PPP4C: variants seen among roughly 807,000 people sequenced by gnomAD.
The protein encoded by PPP4C is serine/threonine-protein phosphatase 4 catalytic subunit.
PPP4C carries 10 observed loss-of-function variants against 40.5 expected under a neutral mutation model. That is an observed-to-expected ratio of 0.25 (90% confidence interval 0.15 to 0.42). PPP4C has a LOEUF of 0.42. Ranked by LOEUF, PPP4C falls within the 10% of genes least tolerant of loss-of-function variation. PPP4C has a pLI of 1.00. For missense variants in PPP4C, 191 were observed against 416.4 expected (o/e 0.46, Z 4.71); for synonymous variants, 187 against 163.6 (o/e 1.14, Z -1.09).
intron 5 of PPP4C, 95 bp downstream of exon 5, chr16:30,082,942 C>A: frequency 9.1e-7 from 1 of 1,093,022 alleles, no homozygotes; most frequent in East Asian, 2.4e-5. Flanking sequence ...GTGACCAGCC[C>A]CACCTTGGAG....
chr16:30,076,503 G>A (rs1160859090), intron 2 of PPP4C, 28 bp downstream of exon 2: 6 of 1,584,746 alleles, frequency 3.8e-6, no homozygotes, highest in Non-Finnish European at 5.2e-6. Context: ...GGGGAAGGGA[G>A]GCCAAGCCGC....
intron 3 of PPP4C, 192 bp downstream of exon 3, chr16:30,081,502 T>G: frequency 2.0e-6 from 1 of 499,614 alleles, no homozygotes; most frequent in Non-Finnish European, 3.6e-6. Context: ...CCCAGCATTT[T>G]GGGAGGGCAA....
rs1170003711 is a variant in PPP4C at position 30,082,067 on chromosome 16, AGAAAG to A, written c.151-411_151-407del. Among the ~76,000 whole-genome samples the A allele has an allele frequency of 8.5e-4, 61 of 71,378 alleles. 2 individuals carry two copies. In the South Asian group the frequency reaches 0.029, roughly 34 times the overall value. The allele number at this position is 71,378 out of a possible 152,430, so 46.8% of individuals were successfully genotyped here. On this transcript the variant is annotated intron_variant, in intron 3 of 8. Transcript: ENST00000279387. ...GAGACTCCGTCTAAAAAAAAAAAAAAGAAAGGAAAGAAAAGAAAGGGGTTATGGGA... is the reference window on the plus strand; with the variant it reads ...GAGACTCCGTCTAAAAAAAAAAAAAAGAAAGAAAAGAAAGGGGTTATGGGA...
At position 30,083,141 on chromosome 16, in the gene PPP4C, G is replaced by A. The variant is rs1256211887; in HGVS notation, c.304-253G>A. ...CAAAGGGCCTGGGTGCCTTGCTAGG[G>A]ACCCGGTCTGTGTCTGGTAGGTGAA... On this transcript the variant is annotated intron_variant, in intron 5 of 8. Coordinates refer to ENST00000279387, the MANE Select transcript of PPP4C (RefSeq NM_002720.3). The surrounding 1 kb of genome is among the most constrained non-coding windows in gnomAD (Gnocchi z 6.3). 5.0e-6 allele frequency: 3 copies of A among 596,364 alleles called. No individual in the cohort carries two copies. Among genetic ancestry groups the A allele is most frequent in the Non-Finnish European group, 8.9e-6 (3 of 337,982 alleles). 36.9% of individuals were successfully genotyped at this position (596,364 alleles called of 1,614,324 possible).
Position 30,083,434 on chromosome 16 carries a change from A to G in PPP4C, c.344A>G (p.His115Arg), listed in dbSNP as rs777221346. The part of the protein sequence containing the change: ...PDRITLIRGN[H>R]ESRQITQVYG... Reference sequence around the variant, plus strand: ...CGCATCACACTGATCCGGGGCAACCATGAGAGTCGCCAGATCACGCAGGTC... The same window carrying G: ...CGCATCACACTGATCCGGGGCAACCGTGAGAGTCGCCAGATCACGCAGGTC... Residue 115 changes from histidine to arginine, a missense_variant, in exon 6 of 9, where the codon CAT becomes CGT. Around this residue, in one of 3 missense-constraint regions of PPP4C, gnomAD observed 171 missense variants for 352.4 expected, o/e 0.49. Coordinates refer to ENST00000279387, the MANE Select transcript of PPP4C (RefSeq NM_002720.3). The surrounding 1 kb of genome is among the most constrained non-coding windows in gnomAD (Gnocchi z 6.3). The G allele has an allele frequency of 6.2e-7, 1 of 1,613,944 alleles. No homozygotes were observed. The highest frequency in any genetic ancestry group is 1.3e-5 in the African/African-American group (1 of 74,922).
chr16:30,078,006 C>G lies in PPP4C; in HGVS notation c.98+1531C>G, dbSNP rs529471048. Among the ~76,000 whole-genome samples, 7 of 152,310 alleles carry G rather than the reference C, an allele frequency of 4.6e-5. No homozygotes were observed. The East Asian group carries it at 1.4e-3, about 29-fold the overall frequency. On this transcript the variant is annotated intron_variant, in intron 2 of 8. Coordinates refer to ENST00000279387, the MANE Select transcript of PPP4C (RefSeq NM_002720.3). ...CTTTTGCCAGCTGACCAGACCAGCC[C>G]CATGGTGTTTTTAGTTGTCCCCTTT...
At position 30,083,800 on chromosome 16, in the gene PPP4C, G is replaced by A. The variant is rs746858173; in HGVS notation, c.604+19G>A. The A allele has an allele frequency of 6.2e-7, 1 of 1,613,040 alleles. No individual in the cohort carries two copies. The highest frequency in any genetic ancestry group is 8.5e-7 in the Non-Finnish European group (1 of 1,179,756). ...CCAGAAGGTGAGGGCATGTGGGCAG[G>A]GGCAGGCAGGGACAGCCAGGAGGGG... On this transcript the variant is annotated intron_variant, in intron 7 of 8. Transcript: ENST00000279387. The surrounding 1 kb of genome is among the most constrained non-coding windows in gnomAD (Gnocchi z 6.3).
intron 2 of PPP4C, among the ~76,000 whole-genome samples, chr16:30,076,905 G>C (rs552919760): frequency 1.3e-5 from 2 of 152,290 alleles, no homozygotes; most frequent in African/African-American, 4.8e-5. Context: ...CTTAAAGATT[G>C]GTGGTATTGT....
chr16:30,083,721 C>A lies in PPP4C; in HGVS notation c.544C>A (p.Arg182=). Residue 182 remains arginine, a synonymous_variant, in exon 7 of 9, where the codon CGA becomes AGA. Transcript: ENST00000279387. This position sits in a 1 kb window ranked among gnomAD's most constrained non-coding sequence, Gnocchi z 6.3. ...CCTGGATCAGATTCGGACAATCGAC[C>A]GAAAGCAAGAGGTGCCTCATGATGG... is the stretch of plus-strand genomic sequence containing the variant. ...QTLDQIRTID[R]KQEVPHDGPM... is the part of the protein sequence containing the mutation. 6.2e-7 allele frequency: 1 copy of A among 1,614,128 alleles called. No individual in the cohort carries two copies.
rs1238858121 is a variant in PPP4C, at chr16:30,083,843, C to T, written c.604+62C>T. 3 of 1,594,134 alleles carry T rather than the reference C, an allele frequency of 1.9e-6. No homozygotes were observed. Among genetic ancestry groups the T allele is most frequent in the Non-Finnish European group, 1.7e-6 (2 of 1,169,996 alleles). ...AGGAGGGGTTGGGAAAGAGAGGGAG[C>T]AGGGCTGGTCTTCACTGTCACTCGT... On this transcript the variant is annotated intron_variant, in intron 7 of 8. Coordinates refer to ENST00000279387, the MANE Select transcript of PPP4C (RefSeq NM_002720.3). This position sits in a 1 kb window ranked among gnomAD's most constrained non-coding sequence, Gnocchi z 6.3.
Position 30,076,238 on chromosome 16 carries a change from G to T in PPP4C, c.-63-77G>T, listed in dbSNP as rs60879570. On this transcript the variant is annotated intron_variant, in intron 1 of 8. Transcript: ENST00000279387. ...GGGGAGGCGGGGGTGGGGGAGCCGGGCCGGCTCTAGAATCGAGTTGTCCGC... is the reference window on the plus strand; with the variant it reads ...GGGGAGGCGGGGGTGGGGGAGCCGGTCCGGCTCTAGAATCGAGTTGTCCGC... 2.9e-5 allele frequency: 24 copies of T among 841,304 alleles called. No individual in the cohort carries two copies. The African/African-American group carries it at 3.7e-4, about 13-fold the overall frequency. The allele number at this position is 841,304 out of a possible 1,614,324, so 52.1% of individuals were successfully genotyped here.
At position 30,076,344 on chromosome 16, in the gene PPP4C, C is replaced by T. The variant is rs1439099596; in HGVS notation, c.-34C>T. 6 of 1,604,390 alleles carry T rather than the reference C, an allele frequency of 3.7e-6. No homozygotes were observed. The highest frequency in any genetic ancestry group is 1.3e-5 in the African/African-American group (1 of 74,730). Reference sequence around the variant, plus strand: ...CCCCTGTGCGGTGCGGAGGGGGCGGCGGCCCCGACTCTGACCCGCGCCGGG... The same window carrying T: ...CCCCTGTGCGGTGCGGAGGGGGCGGTGGCCCCGACTCTGACCCGCGCCGGG... On this transcript the variant is annotated 5_prime_UTR_variant, in exon 2 of 9. Transcript: ENST00000279387.
At chr16:30,082,698 G>A (rs2072533911) in intron 4 of PPP4C, 48 bp from the exon 5 acceptor site, 2 of 1,568,342 alleles carry the variant, frequency 1.3e-6, no homozygotes, top group Admixed American at 1.7e-5. Context: ...AACAGGTAGG[G>A]GGTAGGGGAC....
chr16:30,080,086 T>C (rs1283669331), intron 2 of PPP4C, among the ~76,000 whole-genome samples: 5 of 152,128 alleles, frequency 3.3e-5, no homozygotes, highest in Admixed American at 1.3e-4. Flanking sequence ...GGCTCACATC[T>C]GTAATCCCAG....
rs34627357 is a variant in PPP4C at position 30,085,147 on chromosome 16, T to TGG, written c.*92_*93dup. ...ATCTTCCTCAGACGGAGGCTGGGCG[T>TGG]GGGGGGGGCTGTCCTGGCTCTGCTG... is the stretch of plus-strand genomic sequence containing the variant. On this transcript the variant is annotated 3_prime_UTR_variant, in exon 9 of 9. Transcript: ENST00000279387. 3,413 of 1,452,412 alleles carry TGG rather than the reference T, an allele frequency of 2.3e-3. 15 individuals are homozygous for TGG. The highest frequency in any genetic ancestry group is 0.017 in the African/African-American group (1,213 of 71,168). 90.0% of individuals were successfully genotyped at this position (1,452,412 alleles called of 1,614,324 possible).
intron 2 of PPP4C, among the ~76,000 whole-genome samples, chr16:30,077,571 C>T (rs576724228): frequency 1.3e-5 from 2 of 152,254 alleles, no homozygotes; most frequent in South Asian, 2.1e-4. Context: ...TTACCTGCCT[C>T]CTCTGGGGAA....
rs1217233818 is a variant in PPP4C at position 30,084,652 on chromosome 16, C to T, written c.605-14C>T. On this transcript the variant is annotated splice_polypyrimidine_tract_variant and intron_variant, in intron 7 of 8. Coordinates refer to ENST00000279387, the MANE Select transcript of PPP4C (RefSeq NM_002720.3). ...CTGAGGACATCCCTCTCCATCCCTC[C>T]CTTTCCGCATCAGACACCACAGGCT... 6.2e-7 allele frequency: 1 copy of T among 1,613,004 alleles called. No individual in the cohort carries two copies. Among genetic ancestry groups the T allele is most frequent in the Non-Finnish European group, 8.5e-7 (1 of 1,179,042 alleles).
At chr16:30,077,160 A>G (rs1160219792) in intron 2 of PPP4C, among the ~76,000 whole-genome samples, 1 of 152,176 alleles carries the variant, frequency 6.6e-6, no homozygotes, top group Non-Finnish European at 1.5e-5. Context: ...TTAAGGCTCT[A>G]GGTTTTGCAG....
In PPP4C at chr16:30,083,115, A is replaced by G; in HGVS notation, c.303+268A>G. The stretch of plus-strand genomic sequence containing the variant: ...GGGAGAGGCAGTGTGGGGCCAGATG[A>G]CAAAGGGCCTGGGTGCCTTGCTAGG... On this transcript the variant is annotated intron_variant, in intron 5 of 8. Coordinates refer to ENST00000279387, the MANE Select transcript of PPP4C (RefSeq NM_002720.3). This position sits in a 1 kb window ranked among gnomAD's most constrained non-coding sequence, Gnocchi z 6.3. 1 of 590,310 alleles carries G rather than the reference A, an allele frequency of 1.7e-6. No individual in the cohort carries two copies. Among genetic ancestry groups the G allele is most frequent in the Non-Finnish European group, 3.0e-6 (1 of 333,866 alleles). The allele number at this position is 590,310 out of a possible 1,614,324, so 36.6% of individuals were successfully genotyped here. A position where few individuals can be genotyped will look rare whatever the true frequency, so the allele number is the denominator to read the frequency against.
Sources: gnomAD v4.1 joint callset for allele counts (sites outside exome capture counted in the v4.1 genomes callset) on GRCh38, gnomAD v4.1.1 for gene constraint, gnomAD v4.1.1 regional missense constraint, Gnocchi (gnomAD v3.1) non-coding constraint, MANE v1.5 for transcripts, NCBI Gene and HGNC (gene_info 2026-07-23, HGNC 2026-07-21) for gene names.